Variants in KIF1C observed in about 807,000 individuals in gnomAD.
The protein encoded by KIF1C is kinesin-like protein KIF1C.
KIF1C carries 61 observed loss-of-function variants against 126.5 expected under a neutral mutation model. That is an observed-to-expected ratio of 0.48 (90% CI 0.39 to 0.60). The LOEUF (loss-of-function observed/expected upper bound fraction) is 0.60, where lower values mean the gene tolerates loss of function less well. Among genes scored for constraint, KIF1C ranks in the 20% least tolerant of loss-of-function variants. KIF1C has a pLI of 0.00. For synonymous variants in KIF1C, 640 were observed against 580.6 expected (o/e 1.10, Z -1.47); for missense variants, 1,315 against 1,489.2 (o/e 0.88, Z 1.93).
rs900236276 is a variant in KIF1C, at chr17:5,014,759, A to G, written c.1588A>G (p.Met530Val). Reference protein sequence around the residue: ...DGVTRVGQVDMDIKLTGQFIR... With the variant: ...DGVTRVGQVDVDIKLTGQFIR... ...CTTCCCCAGGGTCGGCCAAGTAGAT[A>G]TGGACATCAAGCTGACCGGACAGTT... Residue 530 changes from methionine (M) to valine (V), a missense_variant, in exon 18 of 23, where the codon ATG (methionine) becomes GTG (valine). Transcript: ENST00000320785. 29 of 1,596,626 alleles carry G rather than the reference A, an allele frequency of 1.8e-5. No individual in the cohort carries two copies. Among genetic ancestry groups the G allele is most frequent in the Non-Finnish European group, 2.4e-5 (28 of 1,172,098 alleles).
intron 11 of KIF1C, 129 bp downstream of exon 11, chr17:5,004,202 C>A: frequency 1.3e-6 from 1 of 761,468 alleles, no homozygotes; most frequent in Non-Finnish European, 2.3e-6. Context: ...CCTGACCCTT[C>A]AAAGGGAACA....
chr17:5,011,645 A>G (rs1218757214), intron 16 of KIF1C: 1 of 152,182 alleles, frequency 6.6e-6, no homozygotes, highest in African/African-American at 2.4e-5. Context: ...AGGGAGGGGC[A>G]TGGGAGTCCC....
chr17:5,004,764 A>G, intron 12 of KIF1C, 91 bp from the exon 13 acceptor site: 1 of 1,600,864 alleles, frequency 6.2e-7, no homozygotes, highest in Non-Finnish European at 8.5e-7. Flanking sequence ...TTGCCACAAT[A>G]TCTTGAGACC....
chr17:5,024,345 G>T lies in KIF1C; in HGVS notation c.*194G>T, dbSNP rs1381426422. On this transcript the variant is annotated 3_prime_UTR_variant, in exon 23 of 23. Transcript: ENST00000320785. ...AAGGAAGAGGGCACGGAGTTGCCAG[G>T]AGCAAACCAAAGTGAAGAGAGAGAT... The T allele has an allele frequency of 6.2e-6, 3 of 481,804 alleles. No homozygotes were observed. Among genetic ancestry groups the T allele is most frequent in the Non-Finnish European group, 1.1e-5 (3 of 273,840 alleles). The allele number at this position is 481,804 out of a possible 1,614,324, so 29.8% of individuals were successfully genotyped here. A position where few individuals can be genotyped will look rare whatever the true frequency, so the allele number is the denominator to read the frequency against.
At chr17:5,007,213 G>A (rs1214074454) in intron 14 of KIF1C, 50 bp from the exon 15 acceptor site, 1 of 1,581,120 alleles carries the variant, frequency 6.3e-7, no homozygotes, top group Admixed American at 1.8e-5. Context: ...CCCTACCCTG[G>A]GTCTGCTTGT....
chr17:5,021,331 C>G (rs181793289), intron 21 of KIF1C, among the ~76,000 whole-genome samples: 27 of 152,086 alleles, frequency 1.8e-4, no homozygotes, highest in Middle Eastern at 3.4e-3. Context: ...CGCCACCATG[C>G]CTGGCTAATA....
rs1975230636 is a variant in KIF1C at position 5,027,645 on chromosome 17, C to T, written c.*3494C>T. 1 of 152,120 alleles carries T rather than the reference C, an allele frequency of 6.6e-6. No individual in the cohort carries two copies. The highest frequency in any genetic ancestry group is 1.5e-5 in the Non-Finnish European group (1 of 68,050). The allele number at this position is 152,120 out of a possible 1,614,324, so 9.4% of individuals were successfully genotyped here. A position where few individuals can be genotyped will look rare whatever the true frequency, so the allele number is the denominator to read the frequency against. On this transcript the variant is annotated 3_prime_UTR_variant, in exon 23 of 23. Transcript: ENST00000320785. Reference sequence around the variant, plus strand: ...GCAAAGTTAGGATTCCAACCCAGGTCAACATAACTAAAGCCCAAACCCCAT... The same window carrying T: ...GCAAAGTTAGGATTCCAACCCAGGTTAACATAACTAAAGCCCAAACCCCAT...
intron 21 of KIF1C, among the ~76,000 whole-genome samples, 175 bp from the exon 22 acceptor site, chr17:5,021,917 T>G (rs1226073440): frequency 6.6e-6 from 1 of 152,172 alleles, no homozygotes; most frequent in Non-Finnish European, 1.5e-5. Flanking sequence ...ATCTCTGTTG[T>G]CTAGAAGAGC....
chr17:5,013,136 T>C (rs1390278001), intron 16 of KIF1C, among the ~76,000 whole-genome samples: 1 of 152,168 alleles, frequency 6.6e-6, no homozygotes, highest in Non-Finnish European at 1.5e-5. Flanking sequence ...AAGTAATTCA[T>C]GTGTGTAGGA....
chr17:5,021,202 G>A (rs1179548832), intron 21 of KIF1C, among the ~76,000 whole-genome samples: 1 of 124,738 alleles, frequency 8.0e-6, no homozygotes, highest in African/African-American at 3.0e-5. Context: ...TGGAGATGGA[G>A]TCTCCTGTCA....
intron 16 of KIF1C, among the ~76,000 whole-genome samples, chr17:5,008,422 TC>T (rs1414481242): frequency 1.3e-5 from 2 of 152,136 alleles, no homozygotes; most frequent in African/African-American, 4.8e-5. Flanking sequence ...AACTTCCAGT[TC>T]CACCAGGGAA....
At chr17:5,000,422 G>A (rs368404633) in intron 3 of KIF1C, 70 bp downstream of exon 3, 12 of 1,068,626 alleles carry the variant, frequency 1.1e-5, no homozygotes, top group Middle Eastern at 2.9e-4. Context: ...GGCCAGTCCC[G>A]CTGGGCCAAA....
At chr17:5,007,583 G>C (rs763731334) in intron 16 of KIF1C, 41 bp downstream of exon 16, 1 of 1,487,970 alleles carries the variant, frequency 6.7e-7, no homozygotes. Flanking sequence ...AGAGCTCTCT[G>C]GATGCCTAGA....
intron 6 of KIF1C, 129 bp from the exon 7 acceptor site, chr17:5,002,335 G>A (rs1220427657): frequency 2.0e-6 from 2 of 1,006,022 alleles, no homozygotes; most frequent in Non-Finnish European, 3.0e-6. Context: ...CGCTGAGCTA[G>A]CATCTGCAGA....
intron 16 of KIF1C, among the ~76,000 whole-genome samples, chr17:5,013,055 T>A (rs1051905215): frequency 4.6e-5 from 7 of 152,088 alleles, no homozygotes; most frequent in Admixed American, 2.0e-4. Flanking sequence ...AGTCAATGAG[T>A]CTGCTTCGAG....
chr17:5,023,700 G>A lies in KIF1C; in HGVS notation c.2861G>A (p.Gly954Asp), dbSNP rs1030067320. ...QEQLRLQGLQ[G>D]SGGRGGGLRR... The stretch of plus-strand genomic sequence containing the variant: ...CAGCTACGGCTGCAGGGACTGCAGG[G>A]CTCTGGGGGCCGGGGCGGGGGGCTG... The change falls in exon 23 of 23, where the codon GGC becomes GAC. Residue 954 changes from glycine to aspartate, a missense_variant. Around this residue, in one of 2 missense-constraint regions of KIF1C, gnomAD observed 441 missense variants for 436.1 expected, o/e 1.01. Transcript: ENST00000320785. The surrounding 1 kb of genome is among the most constrained non-coding windows in gnomAD (Gnocchi z 4.2). 5 of 1,579,058 alleles carry A rather than the reference G, an allele frequency of 3.2e-6. No individual in the cohort carries two copies. The highest frequency in any genetic ancestry group is 4.3e-6 in the Non-Finnish European group (5 of 1,162,742).
rs553816045 is a variant in KIF1C at position 5,016,491 on chromosome 17, T to G, written c.1666+1654T>G. On this transcript the variant is annotated intron_variant, in intron 18 of 22. Transcript: ENST00000320785. ...TAGTCTTGAACTCCTGACCTTGTGA[T>G]CCACCTGCCTCGGCCTCCCAAAGTG... 2.0e-5 allele frequency among the ~76,000 whole-genome samples: 3 copies of G among 151,818 alleles called. No individual in the cohort carries two copies. The East Asian group carries it at 6.0e-4, about 30-fold the overall frequency.
intron 17 of KIF1C, 81 bp from the exon 18 acceptor site, chr17:5,014,662 T>G: frequency 1.0e-6 from 1 of 1,003,190 alleles, no homozygotes; most frequent in South Asian, 1.4e-5. Context: ...CTTGGTTCAT[T>G]GAGTTGGATA....
At chr17:5,010,014 C>G (rs1175669511) in intron 16 of KIF1C, among the ~76,000 whole-genome samples, 1 of 152,048 alleles carries the variant, frequency 6.6e-6, no homozygotes, top group Non-Finnish European at 1.5e-5. Context: ...GCAAACTCTG[C>G]CTCCCAGGTT....
Sources: gnomAD v4.1 joint callset for allele counts (sites outside exome capture counted in the v4.1 genomes callset) on GRCh38, gnomAD v4.1.1 for gene constraint, gnomAD v4.1.1 regional missense constraint, Gnocchi (gnomAD v3.1) non-coding constraint, MANE v1.5 for transcripts, NCBI Gene and HGNC (gene_info 2026-07-23, HGNC 2026-07-21) for gene names.